USP6NL: variants seen among roughly 807,000 people sequenced by gnomAD.
USP6NL encodes USP6 N-terminal-like protein.
In USP6NL, 26 loss-of-function variants were observed where a neutral mutation model predicts 61.9. The observed-to-expected ratio is 0.42, with a 90% CI of 0.31 to 0.58. The LOEUF (loss-of-function observed/expected upper bound fraction) is 0.58. Among genes scored for constraint, USP6NL ranks in the 20% least tolerant of loss-of-function variants. The probability of loss-of-function intolerance (pLI) is 0.16; values close to 1 mark genes in which losing one functional copy is unlikely to be tolerated. For synonymous variants in USP6NL, 432 were observed against 390.1 expected, an observed-to-expected ratio of 1.11 and a Z score of -1.27; for missense variants, 1,114 against 1,034.3, an observed-to-expected ratio of 1.08 and a Z score of -1.06.
At position 11,485,283 on chromosome 10, in the gene USP6NL, TA is replaced by T; in HGVS notation, c.760-50del. On this transcript the variant is annotated intron_variant, in intron 11 of 14. Transcript: ENST00000609104. The surrounding 1 kb of genome is among the most constrained non-coding windows in gnomAD (Gnocchi z 4.8). ...TTTATGGATTGTAGCAAACTAAATTTAACAAAATAATACTAAGTTAGGAAGG... is the reference window on the plus strand; with the variant it reads ...TTTATGGATTGTAGCAAACTAAATTTACAAAATAATACTAAGTTAGGAAGG... 1 of 1,427,640 alleles carries T rather than the reference TA, an allele frequency of 7.0e-7. No homozygotes were observed. Among genetic ancestry groups the T allele is most frequent in the Non-Finnish European group, 9.4e-7 (1 of 1,066,406 alleles). The allele number at this position is 1,427,640 out of a possible 1,614,324, so 88.4% of individuals were successfully genotyped here.
At position 11,511,350 on chromosome 10, in the gene USP6NL, G is replaced by A. The variant is rs763604655; in HGVS notation, c.196-1675C>T. ...ATGTTTAATTTTAAAACTCAGTGGG[G>A]CACTGAAATCTAATTAATGTTTCTG... On this transcript the variant is annotated intron_variant, in intron 5 of 14. Coordinates refer to ENST00000609104, the MANE Select transcript of USP6NL (RefSeq NM_014688.5). This position sits in a 1 kb window ranked among gnomAD's most constrained non-coding sequence, Gnocchi z 4.9. 6.6e-6 allele frequency among the ~76,000 whole-genome samples: 1 copy of A among 152,162 alleles called. No individual in the cohort carries two copies. Among genetic ancestry groups the A allele is most frequent in the Non-Finnish European group, 1.5e-5 (1 of 68,034 alleles).
intron 14 of USP6NL, among the ~76,000 whole-genome samples, chr10:11,467,966 A>G (rs1832546298): frequency 6.6e-6 from 1 of 152,218 alleles, no homozygotes; most frequent in African/African-American, 2.4e-5. Context: ...CCAAAAAAGT[A>G]TTTTAAGACT....
intron 7 of USP6NL, among the ~76,000 whole-genome samples, chr10:11,493,978 CCT>C (rs1359732686): frequency 5.9e-5 from 9 of 152,230 alleles, no homozygotes; most frequent in Middle Eastern, 3.2e-3. Context: ...TGCTGGGCCC[CCT>C]GTTTCCTGGT....
chr10:11,527,421 C>A, intron 3 of USP6NL, 79 bp downstream of exon 3: 1 of 1,311,466 alleles, frequency 7.6e-7, no homozygotes, highest in Admixed American at 2.0e-5. Context: ...GAATGTAAGC[C>A]CTCCAAAAAG....
rs1176881691 is a variant in USP6NL, at chr10:11,491,150, T to C, written c.495-270A>G. Among the ~76,000 whole-genome samples the C allele has an allele frequency of 6.6e-6, 1 of 152,232 alleles. No individual in the cohort carries two copies. The highest frequency in any genetic ancestry group is 6.5e-5 in the Admixed American group (1 of 15,286). On this transcript the variant is annotated intron_variant, in intron 8 of 14. Transcript: ENST00000609104. The surrounding 1 kb of genome is among the most constrained non-coding windows in gnomAD (Gnocchi z 4.7). ...TTTGTTGCCTTCTTTTGCTGATCTA[T>C]CTCACTTTGAGACCCTTCTGATAGA...
At chr10:11,536,910 A>G (rs1316315071) in intron 2 of USP6NL, among the ~76,000 whole-genome samples, 1 of 152,204 alleles carries the variant, frequency 6.6e-6, no homozygotes, top group South Asian at 2.1e-4. Flanking sequence ...GGGAACAACA[A>G]GAAAAGAGAC....
intron 2 of USP6NL, among the ~76,000 whole-genome samples, chr10:11,579,379 G>C (rs1368522625): frequency 1.3e-5 from 2 of 152,136 alleles, no homozygotes; most frequent in African/African-American, 4.8e-5. Flanking sequence ...CCTTAGCATA[G>C]AGTGTGGCCT....
intron 2 of USP6NL, among the ~76,000 whole-genome samples, chr10:11,558,100 A>C (rs573543897): frequency 6.6e-6 from 1 of 152,310 alleles, no homozygotes; most frequent in African/African-American, 2.4e-5. Flanking sequence ...GCACAGGTAC[A>C]AAGTAGCCGT....
chr10:11,507,296 T>C (rs572087068), intron 6 of USP6NL, among the ~76,000 whole-genome samples: 6 of 152,354 alleles, frequency 3.9e-5, no homozygotes, highest in South Asian at 4.1e-4. Flanking sequence ...ACTTGAGCAA[T>C]CTTTCCACAA....
Position 11,535,169 on chromosome 10 carries a change from T to G in USP6NL, c.5-7602A>C, listed in dbSNP as rs1835785647. ...TTTCTGGGGGAAGAGGCAGAGGCAA[T>G]GGGCCCTGTTTGTGGCATCTGCAGA... On this transcript the variant is annotated intron_variant, in intron 2 of 14. Coordinates refer to ENST00000609104, the MANE Select transcript of USP6NL (RefSeq NM_014688.5). Among the ~76,000 whole-genome samples, 4 of 152,314 alleles carry G rather than the reference T, an allele frequency of 2.6e-5. No homozygotes were observed. In the South Asian group the frequency reaches 8.3e-4, roughly 32 times the overall value.
intron 2 of USP6NL, among the ~76,000 whole-genome samples, chr10:11,567,471 C>T (rs1183910062): frequency 1.3e-5 from 2 of 152,214 alleles, no homozygotes; most frequent in African/African-American, 2.4e-5. Flanking sequence ...TATTAACTAA[C>T]TCTACCCACA....
rs1833231237 is a variant in USP6NL, at chr10:11,482,233, G to C, written c.926-311C>G. Among the ~76,000 whole-genome samples the C allele has an allele frequency of 6.6e-6, 1 of 152,212 alleles. No homozygotes were observed. The highest frequency in any genetic ancestry group is 2.4e-5 in the African/African-American group (1 of 41,462). ...TACCCCAGAGCAAGAGCTTCTTAGA[G>C]ACAGACACAGAAAGACTACCTCAGC... On this transcript the variant is annotated intron_variant, in intron 13 of 14. Coordinates refer to ENST00000609104, the MANE Select transcript of USP6NL (RefSeq NM_014688.5). This position sits in a 1 kb window ranked among gnomAD's most constrained non-coding sequence, Gnocchi z 4.0.
intron 10 of USP6NL, among the ~76,000 whole-genome samples, chr10:11,486,219 T>C (rs1394555044): frequency 1.3e-5 from 2 of 151,910 alleles, no homozygotes; most frequent in Admixed American, 6.6e-5. Flanking sequence ...TTTTAAGATA[T>C]TGGGCCATAT....
chr10:11,480,435 T>C (rs981705453), intron 14 of USP6NL, among the ~76,000 whole-genome samples: 2 of 152,136 alleles, frequency 1.3e-5, no homozygotes, highest in Non-Finnish European at 2.9e-5. Flanking sequence ...GCAAGGTATT[T>C]AAAAATAAAT....
chr10:11,483,225 A>C (rs1833279289), intron 13 of USP6NL, among the ~76,000 whole-genome samples: 1 of 151,156 alleles, frequency 6.6e-6, no homozygotes, highest in Non-Finnish European at 1.5e-5. Flanking sequence ...AGATTTGTCC[A>C]CAGCTCATTT....
rs553369839 is a variant in USP6NL, at chr10:11,611,162, C to G, written c.-84+281G>C. 1.3e-5 allele frequency: 2 copies of G among 152,164 alleles called. No homozygotes were observed. Among genetic ancestry groups the G allele is most frequent in the East Asian group, 3.9e-4 (2 of 5,144 alleles). 9.4% of individuals were successfully genotyped at this position (152,164 alleles called of 1,614,324 possible). Reference sequence around the variant, plus strand: ...CACTCGGGGAGGCAGTCGCCGGGTTCCACCCCCGGGCCTCCCCGCACCCCG... The same window carrying G: ...CACTCGGGGAGGCAGTCGCCGGGTTGCACCCCCGGGCCTCCCCGCACCCCG... On this transcript the variant is annotated intron_variant, in intron 1 of 14. Coordinates refer to ENST00000609104, the MANE Select transcript of USP6NL (RefSeq NM_014688.5). The surrounding 1 kb of genome is among the most constrained non-coding windows in gnomAD (Gnocchi z 5.3).
At chr10:11,467,158 T>C (rs528083778) in intron 14 of USP6NL, among the ~76,000 whole-genome samples, 1 of 152,250 alleles carries the variant, frequency 6.6e-6, no homozygotes, top group East Asian at 1.9e-4. Context: ...TAACAAGTAC[T>C]GAACTGAGTA....
intron 10 of USP6NL, among the ~76,000 whole-genome samples, chr10:11,486,185 G>A (rs1302140742): frequency 6.8e-6 from 1 of 146,476 alleles, no homozygotes; most frequent in Non-Finnish European, 1.5e-5. Flanking sequence ...GGACACTGAA[G>A]ACATTTATCA....
In USP6NL at chr10:11,493,545, G is replaced by A. The variant is rs140185981; in HGVS notation, c.385-317C>T. On this transcript the variant is annotated intron_variant, in intron 7 of 14. Transcript: ENST00000609104. Reference sequence around the variant, plus strand: ...GCTGAACTATGTGAAAGTTCTTCATGGCTGAGCCATGCAGTCTGTTATGAT... The same window carrying A: ...GCTGAACTATGTGAAAGTTCTTCATAGCTGAGCCATGCAGTCTGTTATGAT... 2.9e-3 allele frequency among the ~76,000 whole-genome samples: 440 copies of A among 152,276 alleles called. 5 individuals carry two copies. The highest frequency in any genetic ancestry group is 0.028 in the East Asian group (147 of 5,186).
Sources: gnomAD v4.1 joint callset for allele counts (sites outside exome capture counted in the v4.1 genomes callset) on GRCh38, gnomAD v4.1.1 for gene constraint, Gnocchi (gnomAD v3.1) non-coding constraint, MANE v1.5 for transcripts, NCBI Gene and HGNC (gene_info 2026-07-23, HGNC 2026-07-21) for gene names.